HMCN1: variants seen among roughly 807,000 people sequenced by gnomAD.
HMCN1 encodes hemicentin-1.
Under a neutral mutation model 625.9 loss-of-function variants are expected in HMCN1, and 321 were observed. That is an observed-to-expected ratio of 0.51 (90% CI 0.47 to 0.56). The LOEUF (loss-of-function observed/expected upper bound fraction) is 0.56. Among genes scored for constraint, HMCN1 ranks in the 20% least tolerant of loss-of-function variants. The pLI, the probability that HMCN1 is intolerant of heterozygous loss-of-function variation, is 0.00. For synonymous variants in HMCN1, 2,425 were observed against 2,417.6 expected (o/e 1.00, Z -0.09); for missense variants, 6,588 against 6,887.3 (o/e 0.96, Z 1.54).
intron 1 of HMCN1, among the ~76,000 whole-genome samples, chr1:185,835,943 C>T (rs1661139148): frequency 6.6e-6 from 1 of 152,076 alleles, no homozygotes; most frequent in South Asian, 2.1e-4. Context: ...TCAATAAAGA[C>T]TAACAGTAGG....
At chr1:185,834,500 T>C (rs992185107) in intron 1 of HMCN1, among the ~76,000 whole-genome samples, 6 of 152,150 alleles carry the variant, frequency 3.9e-5, no homozygotes, top group African/African-American at 1.2e-4. Context: ...TGGGTCTCCA[T>C]AGGGTAACAG....
chr1:186,187,446 A>AAAAC (rs1653406393), intron 105 of HMCN1, among the ~76,000 whole-genome samples: 1 of 152,196 alleles, frequency 6.6e-6, no homozygotes, highest in African/African-American at 2.4e-5. Context: ...ATTATAAAAC[A>AAAAC]AAACACTCAG....
intron 1 of HMCN1, among the ~76,000 whole-genome samples, chr1:185,843,225 A>G (rs1395050042): frequency 6.6e-6 from 1 of 152,218 alleles, no homozygotes; most frequent in African/African-American, 2.4e-5. Context: ...TGTTATAACA[A>G]TGTTATCAGG....
At chr1:185,979,098 A>G (rs1651434148) in intron 16 of HMCN1, among the ~76,000 whole-genome samples, 1 of 152,198 alleles carries the variant, frequency 6.6e-6, no homozygotes, top group Admixed American at 6.6e-5. Context: ...TGGTGGACAG[A>G]TTCAGATATA....
At chr1:186,146,163 A>T (rs1224182147) in intron 93 of HMCN1, among the ~76,000 whole-genome samples, 1 of 152,074 alleles carries the variant, frequency 6.6e-6, no homozygotes, top group Admixed American at 6.6e-5. Context: ...GACAGGAAAA[A>T]GGGTGAGGCA....
In HMCN1 at chr1:186,087,475, T is replaced by C. The variant is rs1427879591; in HGVS notation, c.9193T>C (p.Ser3065Pro). 1 of 1,613,150 alleles carries C rather than the reference T, an allele frequency of 6.2e-7. No homozygotes were observed. The highest frequency in any genetic ancestry group is 8.5e-7 in the Non-Finnish European group (1 of 1,179,482). ...AAGCATTAAAGACCATGACAGTGAA[T>C]CTCTTTCTGTAGTTAATGTAAGAGA... ...PPSIKDHDSE[S>P]LSVVNVREGT... is the part of the protein sequence containing the mutation. Residue 3065 changes from serine to proline, a missense_variant, in exon 60 of 107, where the codon TCT (serine) becomes CCT (proline). By Grantham distance (74) the Ser-to-Pro change is moderately conservative (BLOSUM62 -1). Transcript: ENST00000271588.
At chr1:186,116,130 G>A (rs2102477653) in intron 75 of HMCN1, among the ~76,000 whole-genome samples, 1 of 152,170 alleles carries the variant, frequency 6.6e-6, no homozygotes, top group African/African-American at 2.4e-5. Context: ...ATTCTATCAT[G>A]TCTCTTTTTC....
intron 100 of HMCN1, among the ~76,000 whole-genome samples, chr1:186,171,095 G>GT (rs1205876267): frequency 6.6e-6 from 1 of 152,130 alleles, no homozygotes; most frequent in Non-Finnish European, 1.5e-5. Flanking sequence ...GTAGAAGAGT[G>GT]TTTCATTGAC....
intron 64 of HMCN1, among the ~76,000 whole-genome samples, chr1:186,092,818 G>A (rs4651297): frequency 0.63 from 95,552 of 151,802 alleles, 31,804 homozygotes; most frequent in African/African-American, 0.86. Context: ...CATTGTAACA[G>A]TCTTCAATTT....
chr1:185,897,840 T>C (rs1444872135), intron 4 of HMCN1, among the ~76,000 whole-genome samples: 1 of 152,354 alleles, frequency 6.6e-6, no homozygotes, highest in East Asian at 1.9e-4. Flanking sequence ...CCTCTTGTGA[T>C]ATTTAACTCA....
At chr1:185,797,004 T>C (rs1658434015) in intron 1 of HMCN1, among the ~76,000 whole-genome samples, 1 of 152,140 alleles carries the variant, frequency 6.6e-6, no homozygotes, top group Non-Finnish European at 1.5e-5. Flanking sequence ...CTCGACAACA[T>C]CTGTTATTTG....
At chr1:185,983,140 G>A (rs936521228) in intron 18 of HMCN1, among the ~76,000 whole-genome samples, 8 of 151,906 alleles carry the variant, frequency 5.3e-5, no homozygotes, top group Non-Finnish European at 1.2e-4. Flanking sequence ...ATATAAAAAT[G>A]TAGATATATA....
intron 50 of HMCN1, among the ~76,000 whole-genome samples, chr1:186,068,901 T>G (rs1287416133): frequency 6.9e-6 from 1 of 144,372 alleles, no homozygotes; most frequent in Non-Finnish European, 1.5e-5. Context: ...AGACTTCAAA[T>G]GAAGAAATGG....
At chr1:186,077,741 C>A (rs1200111126) in intron 54 of HMCN1, among the ~76,000 whole-genome samples, 2 of 152,158 alleles carry the variant, frequency 1.3e-5, no homozygotes, top group African/African-American at 4.8e-5. Flanking sequence ...CTTTCTCAAA[C>A]AAGTACTTGC....
intron 1 of HMCN1, among the ~76,000 whole-genome samples, chr1:185,826,179 A>G (rs1276605191): frequency 2.0e-5 from 3 of 152,202 alleles, no homozygotes; most frequent in South Asian, 2.1e-4. Flanking sequence ...TTCCAATTCA[A>G]TTCCTGAATG....
At chr1:186,087,772 T>C (rs1443542959) in intron 60 of HMCN1, 127 bp downstream of exon 60, 7 of 1,164,476 alleles carry the variant, frequency 6.0e-6, no homozygotes, top group Non-Finnish European at 8.9e-6. Context: ...ACATAGCCAA[T>C]GCCATTGACT....
intron 1 of HMCN1, among the ~76,000 whole-genome samples, chr1:185,757,719 T>TAA (rs1655223776): frequency 6.6e-6 from 1 of 152,170 alleles, no homozygotes; most frequent in African/African-American, 2.4e-5. Context: ...TTTCTAACTC[T>TAA]TTAAATAGTA....
chr1:186,062,515 A>G lies in HMCN1; in HGVS notation c.7428A>G (p.Val2476=). The change falls in exon 48 of 107, where the codon GTA becomes GTG. Residue 2476 remains valine, a splice_region_variant and synonymous_variant. Coordinates refer to ENST00000271588, the MANE Select transcript of HMCN1 (RefSeq NM_031935.3). The part of the protein sequence containing the change: ...ERKIFGLSVL[V]PPHIVGENTL... ...TTTGTTGTTGTTGTTGTTTTTTAGTACCACCTCATATTGTGGGTGAAAATA... is the reference window on the plus strand; with the variant it reads ...TTTGTTGTTGTTGTTGTTTTTTAGTGCCACCTCATATTGTGGGTGAAAATA... 6.3e-7 allele frequency: 1 copy of G among 1,593,222 alleles called. No homozygotes were observed. Among genetic ancestry groups the G allele is most frequent in the Non-Finnish European group, 8.6e-7 (1 of 1,161,194 alleles).
intron 4 of HMCN1, among the ~76,000 whole-genome samples, chr1:185,867,144 AATAG>A (rs548052984): frequency 1.4e-4 from 21 of 152,374 alleles, no homozygotes; most frequent in South Asian, 1.0e-3. Flanking sequence ...AACATATTGA[AATAG>A]ATAGATTTAT....
Sources: gnomAD v4.1 joint callset for allele counts (sites outside exome capture counted in the v4.1 genomes callset) on GRCh38, gnomAD v4.1.1 for gene constraint, MANE v1.5 for transcripts, NCBI Gene and HGNC (gene_info 2026-07-23, HGNC 2026-07-21) for gene names.